Variants in CHN2 observed in about 807,000 individuals in gnomAD.
CHN2 encodes chimerin 2, also known as beta-chimaerin.
Under a neutral mutation model 56.3 loss-of-function variants are expected in CHN2, and 35 were observed. The observed-to-expected ratio is 0.62, with a 90% CI of 0.47 to 0.82. The LOEUF (loss-of-function observed/expected upper bound fraction) is 0.82. Ranked by LOEUF, CHN2 falls within the 40% of genes least tolerant of loss-of-function variation. The pLI, the probability that CHN2 is intolerant of heterozygous loss-of-function variation, is 0.00. For synonymous variants in CHN2, 210 were observed against 212.8 expected (o/e 0.99, Z 0.12); for missense variants, 491 against 580.5 (o/e 0.85, Z 1.58).
chr7:29,242,217 T>C (rs141441853), intron 1 of CHN2, among the ~76,000 whole-genome samples: 1 of 152,190 alleles, frequency 6.6e-6, no homozygotes, highest in Non-Finnish European at 1.5e-5. Flanking sequence ...AAAGGACATA[T>C]ATCTATTTCT....
At chr7:29,475,544 G>A (rs373062017) in intron 6 of CHN2, among the ~76,000 whole-genome samples, 6 of 152,146 alleles carry the variant, frequency 3.9e-5, no homozygotes, top group Admixed American at 6.5e-5. Flanking sequence ...GAAAACAAGC[G>A]TTCAAACAAA....
At chr7:29,274,190 T>C (rs781047242) in intron 1 of CHN2, among the ~76,000 whole-genome samples, 1 of 152,236 alleles carries the variant, frequency 6.6e-6, no homozygotes, top group Non-Finnish European at 1.5e-5. Flanking sequence ...TTGAACGTCC[T>C]ATTGGACAGG....
At chr7:29,379,195 G>A (rs1320909011) in intron 3 of CHN2, among the ~76,000 whole-genome samples, 2 of 152,174 alleles carry the variant, frequency 1.3e-5, no homozygotes, top group East Asian at 3.9e-4. Flanking sequence ...ATTAATGAAA[G>A]AGGCCAAAGC....
intron 1 of CHN2, among the ~76,000 whole-genome samples, chr7:29,195,649 T>TGTGTGTGTGTGA (rs1554358914): frequency 4.6e-5 from 6 of 130,640 alleles, no homozygotes; most frequent in East Asian, 2.3e-4. Flanking sequence ...TGTGTGTGTG[T>TGTGTGTGTGTGA]GAGAGAGAGA....
intron 1 of CHN2, among the ~76,000 whole-genome samples, chr7:29,210,581 A>G (rs764480142): frequency 7.2e-5 from 11 of 151,850 alleles, no homozygotes; most frequent in Non-Finnish European, 1.5e-4. Context: ...AAACCAAAGG[A>G]ACTATATATA....
chr7:29,224,332 T>A (rs1786032675), intron 1 of CHN2, among the ~76,000 whole-genome samples: 1 of 152,248 alleles, frequency 6.6e-6, no homozygotes, highest in African/African-American at 2.4e-5. Flanking sequence ...GATAGACTTT[T>A]AGGCCATGGT....
At chr7:29,380,970 T>C (rs1800452086) in intron 3 of CHN2, among the ~76,000 whole-genome samples, 1 of 152,248 alleles carries the variant, frequency 6.6e-6, no homozygotes, top group Admixed American at 6.5e-5. Flanking sequence ...ATGGAAGCCT[T>C]ATTCTGTAGA....
exon 1 of CHN2, chr7:29,146,725 C>A: frequency 6.4e-7 from 1 of 1,550,556 alleles, no homozygotes. Flanking sequence ...TAATGAAGAG[C>A]ATCGGCGGGG....
intron 1 of CHN2, among the ~76,000 whole-genome samples, chr7:29,196,001 G>A (rs1783681650): frequency 1.3e-5 from 2 of 152,158 alleles, no homozygotes; most frequent in Non-Finnish European, 2.9e-5. Flanking sequence ...GTATTTAAGG[G>A]TCAAGAAGGT....
chr7:29,369,151 G>T (rs1466886263), intron 3 of CHN2, among the ~76,000 whole-genome samples: 2 of 152,042 alleles, frequency 1.3e-5, no homozygotes, highest in African/African-American at 4.8e-5. Flanking sequence ...CTAAATAAGG[G>T]TGTTCTCAGT....
At chr7:29,185,715 T>C (rs1798624101) in intron 2 of CHN2, 1 of 152,202 alleles carries the variant, frequency 6.6e-6, no homozygotes, top group Admixed American at 6.5e-5. Context: ...GCCTTCTGAG[T>C]GATTCTCATA....
intron 9 of CHN2, 91 bp from the exon 10 acceptor site, chr7:29,504,653 A>C (rs1280765353): frequency 1.1e-5 from 9 of 793,106 alleles, no homozygotes; most frequent in Non-Finnish European, 1.7e-5. Context: ...TCATTTTCTG[A>C]TAGCATGTAG....
intron 10 of CHN2, 66 bp from the exon 11 acceptor site, chr7:29,507,162 C>A: frequency 1.5e-5 from 15 of 1,010,274 alleles, no homozygotes; most frequent in Non-Finnish European, 1.9e-5. Flanking sequence ...TTTTTTTTTT[C>A]CTTTCTGTAC....
chr7:29,334,242 G>T (rs1203230570), intron 1 of CHN2, among the ~76,000 whole-genome samples: 2 of 151,508 alleles, frequency 1.3e-5, no homozygotes, highest in Admixed American at 6.6e-5. Flanking sequence ...GTAGAGACAG[G>T]GTTTCTTCAT....
intron 1 of CHN2, among the ~76,000 whole-genome samples, chr7:29,287,303 C>G (rs1172828243): frequency 6.6e-6 from 1 of 152,154 alleles, no homozygotes; most frequent in East Asian, 1.9e-4. Flanking sequence ...GAGGATGGCA[C>G]TAACACAGAG....
intron 6 of CHN2, among the ~76,000 whole-genome samples, chr7:29,424,698 TA>T (rs1394395913): frequency 6.6e-6 from 1 of 152,098 alleles, no homozygotes; most frequent in African/African-American, 2.4e-5. Context: ...TTCTCTTTTT[TA>T]AAAAAAATCT....
At chr7:29,225,580 G>A (rs962903044) in intron 1 of CHN2, among the ~76,000 whole-genome samples, 36 of 152,170 alleles carry the variant, frequency 2.4e-4, no homozygotes, top group African/African-American at 8.2e-4. Flanking sequence ...GAGTTTGATT[G>A]TATAGGACAT....
At chr7:29,331,230 G>GT (rs1796187317) in intron 1 of CHN2, among the ~76,000 whole-genome samples, 1 of 152,238 alleles carries the variant, frequency 6.6e-6, no homozygotes, top group South Asian at 2.1e-4. Context: ...CAGCTGGGAT[G>GT]TTGAAGAGCA....
At chr7:29,148,477 GT>G (rs1282439659) in intron 2 of CHN2, 3 of 152,186 alleles carry the variant, frequency 2.0e-5, no homozygotes, top group Non-Finnish European at 4.4e-5. Context: ...TGAATAACAC[GT>G]TTTAACTTTA....
Sources: gnomAD v4.1 joint callset for allele counts (sites outside exome capture counted in the v4.1 genomes callset) on GRCh38, gnomAD v4.1.1 for gene constraint, MANE v1.5 for transcripts, NCBI Gene and HGNC (gene_info 2026-07-23, HGNC 2026-07-21) for gene names.